Variants in DNAH7 observed in about 807,000 individuals in gnomAD.
DNAH7 encodes the protein dynein axonemal heavy chain 7, also known as axonemal beta dynein heavy chain 7.
DNAH7 carries 397 observed loss-of-function variants against 444.6 expected under a neutral mutation model. The ratio of observed to expected loss-of-function variants is 0.89; its 90% CI spans 0.82 to 0.97. The LOEUF is 0.97. DNAH7 is among the 50% of genes least tolerant of loss of function. The pLI is 0.00. For missense variants in DNAH7, 4,902 were observed against 4,800.8 expected (o/e 1.02, Z -0.62); for synonymous variants, 1,636 against 1,624.4 (o/e 1.01, Z -0.17).
intron 61 of DNAH7, among the ~76,000 whole-genome samples, chr2:195,770,322 C>A (rs1000122412): frequency 6.6e-6 from 1 of 152,150 alleles, no homozygotes. Flanking sequence ...CCCTCTGAAG[C>A]CTTCTCTTTA....
intron 49 of DNAH7, among the ~76,000 whole-genome samples, chr2:195,821,369 CTGT>C: frequency 6.6e-6 from 1 of 152,272 alleles, no homozygotes; most frequent in African/African-American, 2.4e-5. Context: ...GTCTTTTCAT[CTGT>C]TGTTTCCTGG....
chr2:195,988,361 C>A, intron 12 of DNAH7, 132 bp from the exon 13 acceptor site: 1 of 774,606 alleles, frequency 1.3e-6, no homozygotes, highest in Non-Finnish European at 1.9e-6. Flanking sequence ...TGTTTAACCT[C>A]TAATCTATAG....
chr2:195,868,038 A>G (rs2125109121), intron 40 of DNAH7, among the ~76,000 whole-genome samples: 1 of 147,290 alleles, frequency 6.8e-6, no homozygotes, highest in East Asian at 2.1e-4. Flanking sequence ...CCAGCTATGT[A>G]TGAGGGTTCC....
chr2:196,063,353 G>A (rs1698240844), intron 1 of DNAH7: 1 of 152,214 alleles, frequency 6.6e-6, no homozygotes, highest in Non-Finnish European at 1.5e-5. Flanking sequence ...TTGGGTATCA[G>A]GGAGTGGCTT....
At chr2:195,776,039 C>G (rs1695042873) in intron 59 of DNAH7, 56 bp from the exon 60 acceptor site, 3 of 1,593,840 alleles carry the variant, frequency 1.9e-6, no homozygotes, top group East Asian at 4.5e-5. Context: ...CTTTCTAGAA[C>G]TTTTCACAGA....
At chr2:195,916,582 G>A (rs1687691665) in intron 24 of DNAH7, among the ~76,000 whole-genome samples, 3 of 152,292 alleles carry the variant, frequency 2.0e-5, no homozygotes, top group South Asian at 2.1e-4. Context: ...ACCTGGCTGG[G>A]CACAGTGGCC....
intron 1 of DNAH7, among the ~76,000 whole-genome samples, chr2:196,062,288 G>C (rs1474621322): frequency 6.6e-6 from 1 of 151,986 alleles, no homozygotes; most frequent in Non-Finnish European, 1.5e-5. Flanking sequence ...ACAGTCCATA[G>C]TCACAACTAC....
intron 21 of DNAH7, among the ~76,000 whole-genome samples, chr2:195,929,071 C>T (rs1472264854): frequency 6.6e-6 from 1 of 151,940 alleles, no homozygotes; most frequent in Admixed American, 6.6e-5. Flanking sequence ...CATTTCTATA[C>T]CCCAATAATG....
intron 12 of DNAH7, among the ~76,000 whole-genome samples, chr2:195,997,236 C>T (rs562126685): frequency 2.8e-4 from 43 of 152,090 alleles, no homozygotes; most frequent in Non-Finnish European, 4.7e-4. Context: ...TTTGGGGCCA[C>T]GCATGGTGGC....
intron 63 of DNAH7, among the ~76,000 whole-genome samples, chr2:195,745,002 G>A (rs550786530): frequency 1.8e-4 from 28 of 152,348 alleles, no homozygotes; most frequent in African/African-American, 5.5e-4. Flanking sequence ...AGAGCTGGAC[G>A]GAGAATGACT....
chr2:195,880,689 A>G (rs886587114), intron 36 of DNAH7, among the ~76,000 whole-genome samples: 2 of 152,236 alleles, frequency 1.3e-5, no homozygotes, highest in African/African-American at 4.8e-5. Context: ...ATTTGAATCA[A>G]TTATCATAAA....
intron 1 of DNAH7, among the ~76,000 whole-genome samples, chr2:196,067,462 T>C (rs1698489151): frequency 1.7e-5 from 1 of 59,732 alleles, no homozygotes; most frequent in Non-Finnish European, 7.3e-5. Flanking sequence ...GTATCTGAAC[T>C]TTTTGTTTTT....
chr2:195,913,722 T>G (rs962704061), intron 24 of DNAH7, among the ~76,000 whole-genome samples: 1 of 152,320 alleles, frequency 6.6e-6, no homozygotes, highest in Admixed American at 6.5e-5. Flanking sequence ...TGTTGTTTGG[T>G]TTTTTGTTTT....
chr2:195,755,822 A>G (rs1240413305), intron 62 of DNAH7, among the ~76,000 whole-genome samples: 4 of 152,204 alleles, frequency 2.6e-5, no homozygotes, highest in African/African-American at 9.6e-5. Flanking sequence ...GTTCTGGGCA[A>G]TGAAGCTATA....
intron 21 of DNAH7, among the ~76,000 whole-genome samples, chr2:195,930,150 C>T (rs1688595483): frequency 6.6e-6 from 1 of 152,102 alleles, no homozygotes; most frequent in Non-Finnish European, 1.5e-5. Context: ...TGAGACCATC[C>T]TGGTCAACAC....
chr2:195,970,812 T>C (rs1369465929), intron 16 of DNAH7, among the ~76,000 whole-genome samples: 1 of 152,242 alleles, frequency 6.6e-6, no homozygotes, highest in Non-Finnish European at 1.5e-5. Context: ...TTCTATTTTA[T>C]AGATTATCTA....
At chr2:195,926,292 C>T in intron 22 of DNAH7, 134 bp downstream of exon 22, 1 of 776,942 alleles carries the variant, frequency 1.3e-6, no homozygotes, top group Non-Finnish European at 1.8e-6. Flanking sequence ...TTTAAAAAAT[C>T]TGTAATTTGG....
At chr2:195,940,543 A>G (rs1161490846) in intron 19 of DNAH7, among the ~76,000 whole-genome samples, 2 of 152,202 alleles carry the variant, frequency 1.3e-5, no homozygotes, top group East Asian at 3.8e-4. Context: ...TAATTAAACT[A>G]AAGAGCTTCT....
At chr2:196,017,440 C>T (rs922017102) in intron 9 of DNAH7, among the ~76,000 whole-genome samples, 11 of 151,810 alleles carry the variant, frequency 7.2e-5, no homozygotes, top group African/African-American at 2.2e-4. Context: ...ATAAAATAGG[C>T]TTAAACTTAA....
Sources: allele counts gnomAD v4.1 joint callset (sites outside exome capture counted in the v4.1 genomes callset), GRCh38; gene constraint gnomAD v4.1.1; transcripts MANE v1.5; gene names NCBI Gene and HGNC (gene_info 2026-07-23, HGNC 2026-07-21).